TDRD15: variants seen among roughly 807,000 people sequenced by gnomAD.
TDRD15 encodes the protein tudor domain containing 15.
For synonymous variants in TDRD15, 503 were observed against 314.5 expected, an observed-to-expected ratio of 1.60 and a Z score of -6.34; for missense variants, 1,416 against 904.7, an observed-to-expected ratio of 1.57 and a Z score of -7.25.
chr2:21,146,437 A>G (rs933369768), downstream of TDRD15, among the ~76,000 whole-genome samples: 2 of 151,966 alleles, frequency 1.3e-5, no homozygotes, highest in African/African-American at 4.8e-5. Context: ...TTATCTGTAG[A>G]CTATTTTCTC....
In TDRD15 at chr2:21,138,404, C is replaced by T. The variant is rs1318367458; in HGVS notation, c.937C>T (p.Leu313Phe). The T allele has an allele frequency of 2.8e-6, 2 of 715,926 alleles. No individual in the cohort carries two copies. Among genetic ancestry groups the T allele is most frequent in the Non-Finnish European group, 5.2e-6 (2 of 384,210 alleles). 44.3% of individuals were successfully genotyped at this position (715,926 alleles called of 1,614,324 possible). A position where few individuals can be genotyped will look rare whatever the true frequency, so the allele number is the denominator to read the frequency against. The change falls in exon 4 of 4, where the codon CTC becomes TTC. Residue 313 changes from leucine (L) to phenylalanine (F), a missense_variant. Physicochemically the swap from Leu to Phe is conservative, Grantham distance 22. Transcript: ENST00000405799. ...GQWHRGILQQ[L>F]LPPNQVKIWF... is the part of the protein sequence containing the mutation. ...GTGGCATAGAGGAATTCTTCAGCAGCTCTTGCCCCCAAATCAAGTAAAAAT... is the reference window on the plus strand; with the variant it reads ...GTGGCATAGAGGAATTCTTCAGCAGTTCTTGCCCCCAAATCAAGTAAAAAT...
At position 21,141,841 on chromosome 2, in the gene TDRD15, T is replaced by C. The variant is rs532784231; in HGVS notation, c.4374T>C (p.Asp1458=). 1.4e-6 allele frequency: 1 copy of C among 714,870 alleles called. No homozygotes were observed. Among genetic ancestry groups the C allele is most frequent in the South Asian group, 1.5e-5 (1 of 67,304 alleles). The allele number at this position is 714,870 out of a possible 1,614,324, so 44.3% of individuals were successfully genotyped here. A position where few individuals can be genotyped will look rare whatever the true frequency, so the allele number is the denominator to read the frequency against. The change falls in exon 4 of 4, where the codon GAT becomes GAC. Residue 1458 remains aspartate, a synonymous_variant. Transcript: ENST00000405799. ...DQKWEVNMIC[D]EKCVINELLK... The stretch of plus-strand genomic sequence containing the variant: ...AATGGGAAGTAAATATGATTTGTGA[T>C]GAAAAATGTGTCATTAATGAACTAC...
Position 21,140,488 on chromosome 2 carries a change from T to C in TDRD15, c.3021T>C (p.Phe1007=). 1.4e-6 allele frequency: 1 copy of C among 695,088 alleles called. No individual in the cohort carries two copies. Among genetic ancestry groups the C allele is most frequent in the East Asian group, 2.7e-5 (1 of 37,140 alleles). The allele number at this position is 695,088 out of a possible 1,614,324, so 43.1% of individuals were successfully genotyped here. A position where few individuals can be genotyped will look rare whatever the true frequency, so the allele number is the denominator to read the frequency against. Residue 1007 remains phenylalanine (F), a synonymous_variant, in exon 4 of 4, where the codon TTT becomes TTC. Transcript: ENST00000405799. ...CAGAGAGTGTTAACCTCCAAAATTTTCCAAAATATGATTCTAATAAAATGA... is the reference window on the plus strand; with the variant it reads ...CAGAGAGTGTTAACCTCCAAAATTTCCCAAAATATGATTCTAATAAAATGA... ...KITESVNLQN[F]PKYDSNKMRV... is the part of the protein sequence containing the mutation.
In TDRD15 at chr2:21,131,925, T is replaced by C. The variant is rs139088744; in HGVS notation, c.-89-2837T>C. On this transcript the variant is annotated intron_variant, in intron 2 of 3. Coordinates refer to ENST00000405799, the MANE Select transcript of TDRD15 (RefSeq NM_001306137.2). Reference sequence around the variant, plus strand: ...AACAAAGGTTTGAGAACCACTAGTTTAATATAACTTTTTTGTTGCTTTTGG... The same window carrying C: ...AACAAAGGTTTGAGAACCACTAGTTCAATATAACTTTTTTGTTGCTTTTGG... Among the ~76,000 whole-genome samples, 156 of 152,272 alleles carry C rather than the reference T, an allele frequency of 1.0e-3. 2 individuals carry two copies. In the East Asian group the frequency reaches 0.025, roughly 24 times the overall value.
Position 21,138,696 on chromosome 2 carries a change from C to T in TDRD15, c.1229C>T (p.Ser410Phe), listed in dbSNP as rs1235081222. Residue 410 changes from serine (S) to phenylalanine (F), a missense_variant, in exon 4 of 4, where the codon TCT becomes TTT. Physicochemically the swap from Ser to Phe is radical, Grantham distance 155. Coordinates refer to ENST00000405799, the MANE Select transcript of TDRD15 (RefSeq NM_001306137.2). ...CAAACTCAAGAGTCTACAGTTAATT[C>T]TAAGTGTCTACTGAAGACTGTAGGC... ...TLQTQESTVN[S>F]KCLLKTVGTQ... The T allele has an allele frequency of 1.4e-6, 1 of 715,640 alleles. No individual in the cohort carries two copies. The highest frequency in any genetic ancestry group is 2.6e-6 in the Non-Finnish European group (1 of 384,158). 44.3% of individuals were successfully genotyped at this position (715,640 alleles called of 1,614,324 possible).
Position 21,139,782 on chromosome 2 carries a change from C to T in TDRD15, c.2315C>T (p.Ser772Leu). 1 of 715,410 alleles carries T rather than the reference C, an allele frequency of 1.4e-6. No homozygotes were observed. Among genetic ancestry groups the T allele is most frequent in the Non-Finnish European group, 2.6e-6 (1 of 384,012 alleles). The allele number at this position is 715,410 out of a possible 1,614,324, so 44.3% of individuals were successfully genotyped here. Residue 772 changes from serine (S) to leucine (L), a missense_variant, in exon 4 of 4, where the codon TCA (serine) becomes TTA (leucine). By Grantham distance (145) the Ser-to-Leu change is moderately radical (BLOSUM62 -2). Transcript: ENST00000405799. ...TGTTATTATGGCCCAGGTGACTTTTCATGCCAGCTCCAATGTAAGTCAGAA... is the reference window on the plus strand; with the variant it reads ...TGTTATTATGGCCCAGGTGACTTTTTATGCCAGCTCCAATGTAAGTCAGAA... Reference protein sequence around the residue: ...CSCYYGPGDFSCQLQCKSEDL... With the variant: ...CSCYYGPGDFLCQLQCKSEDL...
chr2:21,146,862 T>C (rs917061602), downstream of TDRD15, among the ~76,000 whole-genome samples: 1 of 152,094 alleles, frequency 6.6e-6, no homozygotes, highest in African/African-American at 2.4e-5. Context: ...ATGACTCGCT[T>C]GCATTGGATG....
At chr2:21,144,470 T>C (rs933398962), downstream of TDRD15, among the ~76,000 whole-genome samples, 1 of 151,890 alleles carries the variant, frequency 6.6e-6, no homozygotes, top group African/African-American at 2.4e-5. Context: ...TTATTTGAAT[T>C]TTACCTAGAT....
At chr2:21,127,942 T>A (rs570556246) in intron 2 of TDRD15, among the ~76,000 whole-genome samples, 3 of 152,198 alleles carry the variant, frequency 2.0e-5, no homozygotes, top group African/African-American at 7.2e-5. Context: ...AGCAGTGTTT[T>A]ATAGTTTTAA....
At chr2:21,127,527 C>A (rs900318072) in intron 1 of TDRD15, 74 bp from the exon 2 acceptor site, 4 of 152,140 alleles carry the variant, frequency 2.6e-5, no homozygotes, top group Non-Finnish European at 4.4e-5. Context: ...GGCTATCCAG[C>A]TGTTACAGCA....
At position 21,137,566 on chromosome 2, in the gene TDRD15, C is replaced by A; in HGVS notation, c.99C>A (p.Gly33=). Residue 33 remains glycine (G), a synonymous_variant, in exon 4 of 4, where the codon GGC becomes GGA. Coordinates refer to ENST00000405799, the MANE Select transcript of TDRD15 (RefSeq NM_001306137.2). ...LPKDILVKFQ[G]IKSNECEFDY... ...AGGATATTCTGGTGAAATTTCAAGG[C>A]ATAAAGAGTAATGAATGTGAGTTTG... The A allele has an allele frequency of 2.8e-6, 2 of 715,096 alleles. No homozygotes were observed. The highest frequency in any genetic ancestry group is 2.6e-6 in the Non-Finnish European group (1 of 384,002). The allele number at this position is 715,096 out of a possible 1,614,324, so 44.3% of individuals were successfully genotyped here.
rs944613244 is a variant in TDRD15 at position 21,141,609 on chromosome 2, G to A, written c.4142G>A (p.Gly1381Asp). 5.6e-6 allele frequency: 4 copies of A among 714,000 alleles called. No individual in the cohort carries two copies. In the Admixed American group the frequency reaches 8.1e-5, roughly 14 times the overall value. 44.2% of individuals were successfully genotyped at this position (714,000 alleles called of 1,614,324 possible). ...TTTGAAGTAGAATTTATTGACTATG[G>A]TAACTCTGCAATAGTAAACACATCT... ...NSFEVEFIDY[G>D]NSAIVNTSKI... The change falls in exon 4 of 4, where the codon GGT becomes GAT. Residue 1381 changes from glycine to aspartate, a missense_variant. Transcript: ENST00000405799.
Position 21,139,582 on chromosome 2 carries a change from TA to T in TDRD15, c.2120del (p.Lys707SerfsTer18), listed in dbSNP as rs1558299617. The T allele has an allele frequency of 1.4e-6, 1 of 714,544 alleles. No homozygotes were observed. The highest frequency in any genetic ancestry group is 2.6e-6 in the Non-Finnish European group (1 of 383,744). 44.3% of individuals were successfully genotyped at this position (714,544 alleles called of 1,614,324 possible). ...CTGCCCTTCTTGAAGGACCTAAATC[TA>T]AAAAGTACCATTCAAATAACCTGGT... is the stretch of plus-strand genomic sequence containing the variant. ...ISALLEGPKS[K>X]KYHSNNLVEN... On this transcript the variant is annotated frameshift_variant, in exon 4 of 4. Coordinates refer to ENST00000405799, the MANE Select transcript of TDRD15 (RefSeq NM_001306137.2). LOFTEE classifies it low-confidence loss of function (END_TRUNC).
At chr2:21,130,036 C>T (rs1003538143) in intron 2 of TDRD15, among the ~76,000 whole-genome samples, 2 of 152,058 alleles carry the variant, frequency 1.3e-5, no homozygotes, top group African/African-American at 2.4e-5. Context: ...CCTGATAACC[C>T]GATAACCCAT....
In TDRD15 at chr2:21,138,279, C is replaced by T; in HGVS notation, c.812C>T (p.Thr271Ile). The change falls in exon 4 of 4, where the codon ACA becomes ATA. Residue 271 changes from threonine to isoleucine, a missense_variant. Transcript: ENST00000405799. ...TGGACTCCAGAGCTAGAAAACTTGA[C>T]AGCACATATGACTTTGCATTATGAT... ...IKWTPELENL[T>I]AHMTLHYDTV... 1.4e-6 allele frequency: 1 copy of T among 716,188 alleles called. No individual in the cohort carries two copies. Among genetic ancestry groups the T allele is most frequent in the Non-Finnish European group, 2.6e-6 (1 of 384,318 alleles). The allele number at this position is 716,188 out of a possible 1,614,324, so 44.4% of individuals were successfully genotyped here. A position where few individuals can be genotyped will look rare whatever the true frequency, so the allele number is the denominator to read the frequency against.
In TDRD15 at chr2:21,139,866, A is replaced by G. The variant is rs914145949; in HGVS notation, c.2399A>G (p.Tyr800Cys). 1.4e-6 allele frequency: 1 copy of G among 715,874 alleles called. No homozygotes were observed. Among genetic ancestry groups the G allele is most frequent in the Non-Finnish European group, 2.6e-6 (1 of 384,034 alleles). The allele number at this position is 715,874 out of a possible 1,614,324, so 44.3% of individuals were successfully genotyped here. A position where few individuals can be genotyped will look rare whatever the true frequency, so the allele number is the denominator to read the frequency against. Residue 800 changes from tyrosine (Y) to cysteine (C), a missense_variant, in exon 4 of 4, where the codon TAT becomes TGT. Transcript: ENST00000405799. ...QNYYSIHSDPYEIGQTACVAK... is the reference protein window; with the variant it reads ...QNYYSIHSDPCEIGQTACVAK... ...TACTATAGTATTCATTCTGATCCTTATGAGATTGGGCAGACTGCTTGTGTT... is the reference window on the plus strand; with the variant it reads ...TACTATAGTATTCATTCTGATCCTTGTGAGATTGGGCAGACTGCTTGTGTT...
In TDRD15 at chr2:21,132,894, G is replaced by C. The variant is rs116308862; in HGVS notation, c.-89-1868G>C. Among the ~76,000 whole-genome samples the C allele has an allele frequency of 9.3e-3, 1,420 of 152,150 alleles. 24 individuals carry two copies. Among genetic ancestry groups the C allele is most frequent in the African/African-American group, 0.031 (1,279 of 41,508 alleles). ...GACATATTGGGCTGAATAATTCTTT[G>C]TTTGTGGAAGAATGTGCTCTGCTGT... On this transcript the variant is annotated intron_variant, in intron 2 of 3. Coordinates refer to ENST00000405799, the MANE Select transcript of TDRD15 (RefSeq NM_001306137.2).
At position 21,144,052 on chromosome 2, in the gene TDRD15, T is replaced by G. The variant is rs1665992584; in HGVS notation, c.*780T>G. Among the ~76,000 whole-genome samples, 1 of 151,808 alleles carries G rather than the reference T, an allele frequency of 6.6e-6. No individual in the cohort carries two copies. Among genetic ancestry groups the G allele is most frequent in the Non-Finnish European group, 1.5e-5 (1 of 67,782 alleles). ...TCCTGCGCTTATTTTGAAGAATCAT[T>G]TTTCTGTTATATATAGTTTTATATC... On this transcript the variant is annotated 3_prime_UTR_variant, in exon 4 of 4. Transcript: ENST00000405799.
chr2:21,142,992 C>T lies in TDRD15; in HGVS notation c.5525C>T (p.Pro1842Leu), dbSNP rs1227694374. ...GTTCCTGAGGAACTTTTGAATTTGC[C>T]AAGGCTGAGTTATCCATGTATTTTA... ...KVVPEELLNL[P>L]RLSYPCILYG... The change falls in exon 4 of 4, where the codon CCA becomes CTA. Residue 1842 changes from proline to leucine, a missense_variant. Pro to Leu is a moderately conservative substitution (Grantham distance 98, BLOSUM62 -3). Coordinates refer to ENST00000405799, the MANE Select transcript of TDRD15 (RefSeq NM_001306137.2). 2 of 704,176 alleles carry T rather than the reference C, an allele frequency of 2.8e-6. No individual in the cohort carries two copies. Among genetic ancestry groups the T allele is most frequent in the Non-Finnish European group, 5.3e-6 (2 of 380,846 alleles). The allele number at this position is 704,176 out of a possible 1,614,324, so 43.6% of individuals were successfully genotyped here.
Sources: allele counts gnomAD v4.1 joint callset (sites outside exome capture counted in the v4.1 genomes callset), GRCh38; gene constraint gnomAD v4.1.1; transcripts MANE v1.5; gene names NCBI Gene and HGNC (gene_info 2026-07-23, HGNC 2026-07-21).